The following SLCO3A1 variants were observed in gnomAD, a reference collection of about 807,000 sequenced individuals.
SLCO3A1 encodes PGE1 transporter.
In SLCO3A1, 27 loss-of-function variants were observed where a neutral mutation model predicts 63.1. The ratio of observed to expected loss-of-function variants is 0.43; its 90% confidence interval spans 0.32 to 0.59. The LOEUF (loss-of-function observed/expected upper bound fraction) is 0.59. SLCO3A1 is among the 20% of genes least tolerant of loss of function. The pLI, the probability that SLCO3A1 is intolerant of heterozygous loss-of-function variation, is 0.09. For synonymous variants in SLCO3A1, 473 were observed against 409.9 expected, an observed-to-expected ratio of 1.15 and a Z score of -1.86; for missense variants, 773 against 945.8, an observed-to-expected ratio of 0.82 and a Z score of 2.40.
intron 2 of SLCO3A1, among the ~76,000 whole-genome samples, chr15:92,043,877 C>T (rs889114959): frequency 6.6e-5 from 10 of 152,176 alleles, no homozygotes; most frequent in African/African-American, 2.2e-4. Context: ...AGCACCTGTT[C>T]CTGCCTCCCT....
intron 2 of SLCO3A1, among the ~76,000 whole-genome samples, chr15:92,086,589 C>A (rs2047407319): frequency 6.6e-6 from 1 of 152,176 alleles, no homozygotes; most frequent in Non-Finnish European, 1.5e-5. Context: ...GTGAACTCTT[C>A]TGATAAATCA....
chr15:91,891,732 T>C (rs1383097343), intron 1 of SLCO3A1, among the ~76,000 whole-genome samples: 1 of 152,240 alleles, frequency 6.6e-6, no homozygotes, highest in Non-Finnish European at 1.5e-5. Context: ...TTCACAGTGT[T>C]CGTGCCCTTA....
At chr15:91,924,976 C>T (rs1029964642) in intron 2 of SLCO3A1, among the ~76,000 whole-genome samples, 2 of 152,154 alleles carry the variant, frequency 1.3e-5, no homozygotes, top group African/African-American at 4.8e-5. Context: ...CAGAGAGGCC[C>T]AGGATGACCT....
chr15:92,036,827 C>G (rs955432779), intron 2 of SLCO3A1, among the ~76,000 whole-genome samples: 2 of 152,108 alleles, frequency 1.3e-5, no homozygotes, highest in African/African-American at 4.8e-5. Context: ...TTCAACAGAC[C>G]ATTAGAATGT....
At chr15:91,906,536 C>T (rs1898314229) in intron 1 of SLCO3A1, among the ~76,000 whole-genome samples, 1 of 152,224 alleles carries the variant, frequency 6.6e-6, no homozygotes, top group African/African-American at 2.4e-5. Context: ...TCAGTGAAAA[C>T]AGTTCTGCAT....
At position 92,033,746 on chromosome 15, in the gene SLCO3A1, T is replaced by C. The variant is rs867624429; in HGVS notation, c.647-61135T>C. On this transcript the variant is annotated intron_variant, in intron 2 of 9. Transcript: ENST00000318445. This position sits in a 1 kb window ranked among gnomAD's most constrained non-coding sequence, Gnocchi z 4.5. The stretch of plus-strand genomic sequence containing the variant: ...GCAAAAAAGACGGGGATAGGAGTGT[T>C]GGGAGTCGTACAGTTTTAGTGTCAG... 6.6e-6 allele frequency among the ~76,000 whole-genome samples: 1 copy of C among 151,960 alleles called. No homozygotes were observed. The highest frequency in any genetic ancestry group is 1.9e-4 in the East Asian group (1 of 5,178).
At chr15:91,963,364 G>GCCTGC (rs1266287126) in intron 2 of SLCO3A1, among the ~76,000 whole-genome samples, 14 of 129,232 alleles carry the variant, frequency 1.1e-4, no homozygotes, top group African/African-American at 4.1e-4. Context: ...GGGAGACCAG[G>GCCTGC]CCTGCCACAG....
chr15:91,922,020 C>T (rs938040306), intron 2 of SLCO3A1, among the ~76,000 whole-genome samples: 1 of 152,166 alleles, frequency 6.6e-6, no homozygotes, highest in African/African-American at 2.4e-5. Context: ...CAGGCATGAG[C>T]CACTGCGCCC....
chr15:91,884,302 A>C (rs1389245125), intron 1 of SLCO3A1, among the ~76,000 whole-genome samples: 2 of 152,144 alleles, frequency 1.3e-5, no homozygotes, highest in African/African-American at 4.8e-5. Context: ...TGAGATTGGG[A>C]GTTCAAGACC....
intron 1 of SLCO3A1, among the ~76,000 whole-genome samples, chr15:91,864,784 C>T (rs775026039): frequency 6.6e-6 from 1 of 152,196 alleles, no homozygotes; most frequent in Non-Finnish European, 1.5e-5. Context: ...AGGTCTGTCG[C>T]CTTGGTGCTG....
chr15:91,947,801 AC>A (rs1899860541), intron 2 of SLCO3A1, among the ~76,000 whole-genome samples: 4 of 151,888 alleles, frequency 2.6e-5, no homozygotes, highest in Non-Finnish European at 1.5e-5. Context: ...CCTCGTTAGT[AC>A]CCCCTGCTTG....
At chr15:92,011,258 A>G (rs567025077) in intron 2 of SLCO3A1, among the ~76,000 whole-genome samples, 8 of 152,206 alleles carry the variant, frequency 5.3e-5, no homozygotes, top group Middle Eastern at 3.4e-3. Context: ...TATTTCCCAC[A>G]TCTGTCAAAT....
At chr15:91,978,244 T>A (rs1360994605) in intron 2 of SLCO3A1, among the ~76,000 whole-genome samples, 1 of 152,192 alleles carries the variant, frequency 6.6e-6, no homozygotes, top group African/African-American at 2.4e-5. Flanking sequence ...TGCGGTACCC[T>A]CCCTTCTCAC....
At chr15:92,044,878 A>G (rs768068254) in intron 2 of SLCO3A1, among the ~76,000 whole-genome samples, 9 of 151,968 alleles carry the variant, frequency 5.9e-5, no homozygotes, top group Non-Finnish European at 1.2e-4. Context: ...CCCTCGCAAC[A>G]CCTGCTCTGT....
At chr15:92,107,567 G>A (rs1453765991) in intron 4 of SLCO3A1, among the ~76,000 whole-genome samples, 1 of 152,196 alleles carries the variant, frequency 6.6e-6, no homozygotes, top group Non-Finnish European at 1.5e-5. Context: ...TAAGCTGAAC[G>A]GCGTTGCATG....
intron 1 of SLCO3A1, among the ~76,000 whole-genome samples, chr15:91,910,895 A>C (rs146469524): frequency 3.0e-4 from 46 of 152,300 alleles, no homozygotes; most frequent in African/African-American, 1.1e-3. Flanking sequence ...AGGCCCCGCC[A>C]CCCAGACCAG....
chr15:91,903,185 A>T (rs542585320), intron 1 of SLCO3A1, among the ~76,000 whole-genome samples: 1 of 152,308 alleles, frequency 6.6e-6, no homozygotes, highest in African/African-American at 2.4e-5. Context: ...AAATGAGGAC[A>T]GCTCTCAGAG....
intron 2 of SLCO3A1, among the ~76,000 whole-genome samples, chr15:91,934,473 A>G (rs1899338046): frequency 6.6e-6 from 1 of 152,192 alleles, no homozygotes; most frequent in Non-Finnish European, 1.5e-5. Context: ...ATAAAGGGAA[A>G]AGCGGGTGCC....
intron 2 of SLCO3A1, among the ~76,000 whole-genome samples, chr15:91,957,939 A>G (rs982648556): frequency 5.9e-5 from 9 of 152,166 alleles, no homozygotes; most frequent in African/African-American, 2.2e-4. Flanking sequence ...TTTGTCATAT[A>G]AATGAAAGGG....
Sources: gnomAD v4.1 joint callset for allele counts (sites outside exome capture counted in the v4.1 genomes callset) on GRCh38, gnomAD v4.1.1 for gene constraint, Gnocchi (gnomAD v3.1) non-coding constraint, MANE v1.5 for transcripts, NCBI Gene and HGNC (gene_info 2026-07-23, HGNC 2026-07-21) for gene names.